CCDC80: variants seen among roughly 807,000 people sequenced by gnomAD.
CCDC80 encodes the protein coiled-coil domain-containing protein 80.
Under a neutral mutation model 78.7 loss-of-function variants are expected in CCDC80, and 49 were observed. The observed-to-expected ratio is 0.62, with a 90% CI of 0.50 to 0.79. The LOEUF (loss-of-function observed/expected upper bound fraction) is 0.79, where lower values mean the gene tolerates loss of function less well. Ranked by LOEUF, CCDC80 falls within the 30% of genes least tolerant of loss-of-function variation. The pLI is 0.00. For synonymous variants in CCDC80, 488 were observed against 447.0 expected, an observed-to-expected ratio of 1.09 and a Z score of -1.16; for missense variants, 1,205 against 1,198.6, an observed-to-expected ratio of 1.01 and a Z score of -0.08.
chr3:112,601,432 A>C lies in CCDC80; in HGVS notation c.*3985T>G, dbSNP rs1254229646. On this transcript the variant is annotated 3_prime_UTR_variant, in exon 8 of 8. Transcript: ENST00000206423. ...ATTATTGTTAGAGGATGGTGCCATC[A>C]TGATGCTAAATGCCTATCTGAGGGG... The C allele has an allele frequency of 2.0e-5, 3 of 152,230 alleles. No individual in the cohort carries two copies. Among genetic ancestry groups the C allele is most frequent in the Non-Finnish European group, 4.4e-5 (3 of 68,036 alleles). The allele number at this position is 152,230 out of a possible 1,614,324, so 9.4% of individuals were successfully genotyped here. A position where few individuals can be genotyped will look rare whatever the true frequency, so the allele number is the denominator to read the frequency against.
chr3:112,639,603 G>C lies in CCDC80; in HGVS notation c.303C>G (p.Ala101=), dbSNP rs746186578. ...PPARSDINGA[A]VRPEQRPAAR... is the part of the protein sequence containing the mutation. ...CTGCTGGTCTTTGCTCAGGTCTCAC[G>C]GCGGCCCCATTGATGTCCGAGCGGG... Residue 101 remains alanine, a synonymous_variant, in exon 2 of 8, where the codon GCC becomes GCG. Transcript: ENST00000206423. 6.8e-6 allele frequency: 11 copies of C among 1,614,136 alleles called. No homozygotes were observed. In the South Asian group the frequency reaches 1.2e-4, roughly 18 times the overall value.
intron 3 of CCDC80, among the ~76,000 whole-genome samples, chr3:112,626,043 C>T (rs1217775049): frequency 1.3e-5 from 2 of 152,184 alleles, no homozygotes; most frequent in African/African-American, 4.8e-5. Context: ...CCCTCCACTA[C>T]ATTCTTCAAA....
intron 4 of CCDC80, among the ~76,000 whole-genome samples, chr3:112,617,334 A>G (rs1935774072): frequency 6.6e-6 from 1 of 152,250 alleles, no homozygotes; most frequent in African/African-American, 2.4e-5. Flanking sequence ...ACATCACTTA[A>G]TATTAAGTCA....
In CCDC80 at chr3:112,639,628, G is replaced by C; in HGVS notation, c.278C>G (p.Ala93Gly). 1 of 1,614,122 alleles carries C rather than the reference G, an allele frequency of 6.2e-7. No homozygotes were observed. ...GGCGGCCCCATTGATGTCCGAGCGG[G>C]CTGGCGGCTCTGTTGGGCGAGCTAG... ...LRLARPTEPPARSDINGAAVR... is the reference protein window; with the variant it reads ...LRLARPTEPPGRSDINGAAVR... The change falls in exon 2 of 8, where the codon GCC becomes GGC. Residue 93 changes from alanine (A) to glycine (G), a missense_variant. By Grantham distance (60) the Ala-to-Gly change is moderately conservative. Transcript: ENST00000206423.
In CCDC80 at chr3:112,605,709, C is replaced by T. The variant is rs762210576; in HGVS notation, c.2561G>A (p.Arg854His). Residue 854 changes from arginine to histidine, a missense_variant, in exon 8 of 8, where the codon CGT (arginine) becomes CAT (histidine). Coordinates refer to ENST00000206423, the MANE Select transcript of CCDC80 (RefSeq NM_199511.3). ...CTCCGGGCTCACTTGAAAATAGTTA[C>T]GAATGTCTTTCACCAAATGGGCTGG... ...DVPAHLVKDI[R>H]NYFQVSPEYF... The T allele has an allele frequency of 3.7e-6, 6 of 1,614,176 alleles. No homozygotes were observed. Among genetic ancestry groups the T allele is most frequent in the South Asian group, 1.1e-5 (1 of 91,084 alleles).
intron 3 of CCDC80, among the ~76,000 whole-genome samples, chr3:112,626,739 G>C (rs1031023032): frequency 7.2e-5 from 11 of 152,060 alleles, no homozygotes; most frequent in African/African-American, 2.7e-4. Context: ...GTAGAGATGG[G>C]ATTTCACCAT....
chr3:112,630,358 G>T (rs1008885039), intron 2 of CCDC80, 89 bp from the exon 3 acceptor site: 3 of 1,276,258 alleles, frequency 2.4e-6, no homozygotes, highest in Non-Finnish European at 3.4e-6. Context: ...GGAAGAGAGG[G>T]CTGGTAGTGA....
At chr3:112,634,755 C>T (rs898807764) in intron 2 of CCDC80, among the ~76,000 whole-genome samples, 1 of 152,118 alleles carries the variant, frequency 6.6e-6, no homozygotes, top group South Asian at 2.1e-4. Context: ...TCAGTTTCCC[C>T]TTCACTTTAT....
At chr3:112,630,730 T>C (rs555594552) in intron 2 of CCDC80, among the ~76,000 whole-genome samples, 32 of 152,322 alleles carry the variant, frequency 2.1e-4, no homozygotes, top group African/African-American at 7.2e-4. Flanking sequence ...GAGAGTTTCA[T>C]AGCCAGGCCC....
rs1460806655 is a variant in CCDC80 at position 112,616,701 on chromosome 3, G to A, written c.2321+9C>T. The stretch of plus-strand genomic sequence containing the variant: ...ACCTTCCTCTTTAGCGACTCCAAAG[G>A]TGATGTACCTGGATAGGAAGTTCTC... On this transcript the variant is annotated intron_variant, in intron 5 of 7. Transcript: ENST00000206423. 5.0e-6 allele frequency: 8 copies of A among 1,613,856 alleles called. No homozygotes were observed. In the Admixed American group the frequency reaches 8.3e-5, roughly 17 times the overall value.
At chr3:112,614,111 A>G (rs950764658) in intron 5 of CCDC80, among the ~76,000 whole-genome samples, 1 of 152,128 alleles carries the variant, frequency 6.6e-6, no homozygotes, top group Non-Finnish European at 1.5e-5. Flanking sequence ...TTTAAGTACT[A>G]GGAAAGATTT....
At chr3:112,635,527 T>C (rs962104641) in intron 2 of CCDC80, among the ~76,000 whole-genome samples, 33 of 152,384 alleles carry the variant, frequency 2.2e-4, no homozygotes, top group Non-Finnish European at 4.6e-4. Flanking sequence ...GTCTCCTCTC[T>C]GGCGAAAAAT....
intron 2 of CCDC80, among the ~76,000 whole-genome samples, chr3:112,634,392 T>C (rs1051986890): frequency 3.9e-5 from 6 of 152,160 alleles, no homozygotes; most frequent in East Asian, 3.9e-4. Flanking sequence ...GACAAGTGAC[T>C]AGATCTCAGA....
intron 2 of CCDC80, among the ~76,000 whole-genome samples, chr3:112,634,724 A>G (rs1936170570): frequency 6.6e-6 from 1 of 152,198 alleles, no homozygotes; most frequent in Non-Finnish European, 1.5e-5. Flanking sequence ...ATTCATGTTT[A>G]TTAACTGGCA....
chr3:112,623,197 A>G (rs1469201445), intron 3 of CCDC80, among the ~76,000 whole-genome samples: 1 of 152,052 alleles, frequency 6.6e-6, no homozygotes, highest in African/African-American at 2.4e-5. Context: ...CCAACCCCAA[A>G]CATCAGCAGT....
rs1283469273 is a variant in CCDC80, at chr3:112,601,640, C to T, written c.*3777G>A. ...TTTGCAGTGAGCCAAGATTGCACTA[C>T]TGCACTGCAGCCTGGGTGACAGAGT... On this transcript the variant is annotated 3_prime_UTR_variant, in exon 8 of 8. Transcript: ENST00000206423. 3 of 144,820 alleles carry T rather than the reference C, an allele frequency of 2.1e-5. No individual in the cohort carries two copies. The highest frequency in any genetic ancestry group is 8.4e-5 in the African/African-American group (3 of 35,918). The allele number at this position is 144,820 out of a possible 1,614,324, so 9.0% of individuals were successfully genotyped here. A position where few individuals can be genotyped will look rare whatever the true frequency, so the allele number is the denominator to read the frequency against.
At chr3:112,614,055 G>A (rs181834954) in intron 5 of CCDC80, among the ~76,000 whole-genome samples, 5 of 152,156 alleles carry the variant, frequency 3.3e-5, no homozygotes, top group Admixed American at 2.6e-4. Flanking sequence ...CTGAGAGAAC[G>A]TTAGATTCAC....
In CCDC80 at chr3:112,605,436, T is replaced by A; in HGVS notation, c.2834A>T (p.His945Leu). 1 of 1,613,180 alleles carries A rather than the reference T, an allele frequency of 6.2e-7. No individual in the cohort carries two copies. The change falls in exon 8 of 8, where the codon CAC (histidine) becomes CTC (leucine). Residue 945 changes from histidine (H) to leucine (L), a missense_variant. His to Leu is a moderately conservative substitution (Grantham distance 99). Transcript: ENST00000206423. ...TTCTGCTCAGTAAGGGTATCCATGGTGATAACTCTCATGATGACGGTAGTC... is the reference window on the plus strand; with the variant it reads ...TTCTGCTCAGTAAGGGTATCCATGGAGATAACTCTCATGATGACGGTAGTC... ...QDDYRHHESYHHGYPY is the reference protein window; with the variant it reads ...QDDYRHHESYLHGYPY
intron 3 of CCDC80, among the ~76,000 whole-genome samples, chr3:112,622,918 C>T (rs1935896753): frequency 6.8e-6 from 1 of 147,474 alleles, no homozygotes; most frequent in South Asian, 2.1e-4. Flanking sequence ...TCAAGTGATT[C>T]ACCCACCTTA....
Sources: allele counts gnomAD v4.1 joint callset (sites outside exome capture counted in the v4.1 genomes callset), GRCh38; gene constraint gnomAD v4.1.1; transcripts MANE v1.5; gene names NCBI Gene and HGNC (gene_info 2026-07-23, HGNC 2026-07-21).